FBN1: variants seen among roughly 807,000 people sequenced by gnomAD.
The protein encoded by FBN1 is fibrillin-1.
A neutral mutation model predicts 365.1 loss-of-function variants in FBN1; 29 were observed. The observed-to-expected ratio is 0.08, with a 90% CI of 0.06 to 0.11. The LOEUF is 0.11. Ranked by LOEUF, FBN1 falls within the 10% of genes least tolerant of loss-of-function variation. The pLI is 1.00. For missense variants in FBN1, 2,476 were observed against 3,703.2 expected (o/e 0.67, Z 8.60); for synonymous variants, 1,210 against 1,270.5 (o/e 0.95, Z 1.01).
chr15:48,415,105 T>C (rs993069338), intron 64 of FBN1, among the ~76,000 whole-genome samples: 1 of 152,208 alleles, frequency 6.6e-6, no homozygotes, highest in Non-Finnish European at 1.5e-5. Context: ...GGGATGTCTT[T>C]GACTTATTCT....
chr15:48,442,622 C>A (rs1597530540), intron 49 of FBN1, among the ~76,000 whole-genome samples: 1 of 152,080 alleles, frequency 6.6e-6, no homozygotes, highest in Non-Finnish European at 1.5e-5. Flanking sequence ...GCTTGAGTAA[C>A]CATATGTCCT....
At chr15:48,489,775 A>G (rs2043540173) in intron 25 of FBN1, 76 bp downstream of exon 25, 2 of 1,080,588 alleles carry the variant, frequency 1.9e-6, no homozygotes, top group Admixed American at 1.7e-5. Context: ...GATCAAGTAG[A>G]GTGCTGAGAT....
At chr15:48,570,317 C>T (rs1289826770) in intron 6 of FBN1, among the ~76,000 whole-genome samples, 4 of 152,180 alleles carry the variant, frequency 2.6e-5, no homozygotes, top group South Asian at 4.1e-4. Context: ...TCATTAACAT[C>T]ACGTTCTAGC....
rs1006495546 is a variant in FBN1, at chr15:48,526,115, T to C, written c.988+15A>G. ...ACTTACACAAACCATGCATGCTGTT[T>C]GTCATTAAACCTACCTATGCATCTG... is the stretch of plus-strand genomic sequence containing the variant. On this transcript the variant is annotated intron_variant, in intron 9 of 65. Coordinates refer to ENST00000316623, the MANE Select transcript of FBN1 (RefSeq NM_000138.5). The C allele has an allele frequency of 6.2e-7, 1 of 1,614,136 alleles. No individual in the cohort carries two copies. The highest frequency in any genetic ancestry group is 8.5e-7 in the Non-Finnish European group (1 of 1,179,994).
intron 10 of FBN1, among the ~76,000 whole-genome samples, chr15:48,518,484 T>C (rs757482904): frequency 6.6e-6 from 1 of 152,268 alleles, no homozygotes; most frequent in Non-Finnish European, 1.5e-5. Flanking sequence ...TTAAGACTTT[T>C]TGAATTTATA....
chr15:48,591,820 C>T (rs775533395), intron 6 of FBN1, among the ~76,000 whole-genome samples: 15 of 151,198 alleles, frequency 9.9e-5, no homozygotes, highest in Non-Finnish European at 1.5e-4. Context: ...TTTAGAGTTA[C>T]GAGTGGCCCC....
chr15:48,455,838 T>G (rs928888248), intron 44 of FBN1, among the ~76,000 whole-genome samples: 4 of 149,278 alleles, frequency 2.7e-5, no homozygotes, highest in African/African-American at 9.9e-5. Flanking sequence ...GACAAAAAAG[T>G]TTTTTTTTTA....
intron 65 of FBN1, 62 bp from the exon 66 acceptor site, chr15:48,411,441 A>G (rs1353738408): frequency 2.0e-6 from 3 of 1,509,360 alleles, no homozygotes; most frequent in South Asian, 1.1e-5. Flanking sequence ...CTCTCATATT[A>G]AAGAAAAAAT....
At chr15:48,601,654 CACGG>C (rs1324181182) in intron 4 of FBN1, among the ~76,000 whole-genome samples, 13 of 152,162 alleles carry the variant, frequency 8.5e-5, no homozygotes, top group Admixed American at 4.6e-4. Flanking sequence ...AATCCTCAGC[CACGG>C]TATTGAAAAG....
chr15:48,419,250 G>T (rs1218538508), intron 63 of FBN1, among the ~76,000 whole-genome samples: 6 of 152,102 alleles, frequency 3.9e-5, no homozygotes, highest in Admixed American at 3.9e-4. Flanking sequence ...TGATCTTCAC[G>T]AGACCAGAGC....
chr15:48,605,194 A>G (rs1389845457), intron 4 of FBN1, among the ~76,000 whole-genome samples: 3 of 151,972 alleles, frequency 2.0e-5, no homozygotes, highest in African/African-American at 7.2e-5. Flanking sequence ...GAATAGCTAA[A>G]ACAAAAAAAG....
intron 57 of FBN1, chr15:48,428,081 G>A: frequency 1.6e-6 from 1 of 632,590 alleles, no homozygotes; most frequent in Non-Finnish European, 2.8e-6. Context: ...ATACGGAAGT[G>A]GATCCTGATC....
In FBN1 at chr15:48,644,848, C is replaced by T. The variant is rs532402715; in HGVS notation, c.-79G>A. On this transcript the variant is annotated 5_prime_UTR_variant, in exon 2 of 66. Coordinates refer to ENST00000316623, the MANE Select transcript of FBN1 (RefSeq NM_000138.5). ...CTGCGGCCGCCGCTGCGCCCTGAAG[C>T]GCACCGCGCCGCCGGGGTCCCGCTA... 4.0e-5 allele frequency: 52 copies of T among 1,312,040 alleles called. No individual in the cohort carries two copies. In the South Asian group the frequency reaches 9.4e-4, roughly 24 times the overall value. The allele number at this position is 1,312,040 out of a possible 1,614,324, so 81.3% of individuals were successfully genotyped here. A position where few individuals can be genotyped will look rare whatever the true frequency, so the allele number is the denominator to read the frequency against.
In FBN1 at chr15:48,432,778, C is replaced by A. The variant is rs1443148290; in HGVS notation, c.6739+88G>T. Reference sequence around the variant, plus strand: ...GGACTATTTATATTCCAATTCCCAGCCTTCTCCTACTAAGGGAAGCTTTGA... The same window carrying A: ...GGACTATTTATATTCCAATTCCCAGACTTCTCCTACTAAGGGAAGCTTTGA... On this transcript the variant is annotated intron_variant, in intron 55 of 65. Transcript: ENST00000316623. 28 of 1,521,118 alleles carry A rather than the reference C, an allele frequency of 1.8e-5. No individual in the cohort carries two copies. In the South Asian group the frequency reaches 2.3e-4, roughly 12 times the overall value. The allele number at this position is 1,521,118 out of a possible 1,614,324, so 94.2% of individuals were successfully genotyped here.
intron 6 of FBN1, among the ~76,000 whole-genome samples, chr15:48,572,893 T>C (rs564964122): frequency 1.4e-4 from 21 of 152,288 alleles, no homozygotes; most frequent in African/African-American, 5.1e-4. Flanking sequence ...CTGCACTGTT[T>C]TGCATTTAAA....
Position 48,485,495 on chromosome 15 carries a change from G to T in FBN1, c.3591C>A (p.Asp1197Glu). ...CATTCATTATGCTGCATTCATCAAT[G>T]TCTAAAAGAAATGAAAATAATATCA... is the stretch of plus-strand genomic sequence containing the variant. ...HSTPDRLFCV[D>E]IDECSIMNGG... is the part of the protein sequence containing the mutation. The change falls in exon 30 of 66, where the codon GAC becomes GAA. Residue 1197 changes from aspartate to glutamate, a missense_variant and splice_region_variant. By Grantham distance (45) the Asp-to-Glu change is conservative. Around this residue, in one of 5 missense-constraint regions of FBN1, gnomAD observed 1,780 missense variants for 2,840.8 expected, o/e 0.63. Coordinates refer to ENST00000316623, the MANE Select transcript of FBN1 (RefSeq NM_000138.5). 1 of 1,614,108 alleles carries T rather than the reference G, an allele frequency of 6.2e-7. No homozygotes were observed. Among genetic ancestry groups the T allele is most frequent in the Non-Finnish European group, 8.5e-7 (1 of 1,179,982 alleles).
intron 3 of FBN1, among the ~76,000 whole-genome samples, chr15:48,611,508 C>T (rs1187980462): frequency 6.6e-6 from 1 of 152,176 alleles, no homozygotes; most frequent in East Asian, 1.9e-4. Context: ...GATCCGCCTG[C>T]CTCGGCCTCT....
chr15:48,408,623 G>A lies in FBN1; in HGVS notation c.*2367C>T, dbSNP rs2042836728. ...TTGAAAGTGAAATTGAAAGGTCACAGACAATTGAAAGGTACAGGTTTAAAT... is the reference window on the plus strand; with the variant it reads ...TTGAAAGTGAAATTGAAAGGTCACAAACAATTGAAAGGTACAGGTTTAAAT... On this transcript the variant is annotated 3_prime_UTR_variant, in exon 66 of 66. Transcript: ENST00000316623. The A allele has an allele frequency of 6.6e-6, 1 of 152,628 alleles. No homozygotes were observed. The highest frequency in any genetic ancestry group is 2.4e-5 in the African/African-American group (1 of 41,436). 9.5% of individuals were successfully genotyped at this position (152,628 alleles called of 1,614,324 possible).
rs547660796 is a variant in FBN1 at position 48,489,638 on chromosome 15, A to C, written c.3082+213T>G. 3.2e-4 allele frequency among the ~76,000 whole-genome samples: 48 copies of C among 152,284 alleles called. No homozygotes were observed. In the South Asian group the frequency reaches 7.3e-3, roughly 23 times the overall value. ...GGCCACCTAGAAACTATCTGAAACT[A>C]TCTCTCCATACAGAACAATTTTAAC... On this transcript the variant is annotated intron_variant, in intron 25 of 65. Coordinates refer to ENST00000316623, the MANE Select transcript of FBN1 (RefSeq NM_000138.5).
Sources: gnomAD v4.1 joint callset for allele counts (sites outside exome capture counted in the v4.1 genomes callset) on GRCh38, gnomAD v4.1.1 for gene constraint, gnomAD v4.1.1 regional missense constraint, MANE v1.5 for transcripts, NCBI Gene and HGNC (gene_info 2026-07-23, HGNC 2026-07-21) for gene names.